The following PFDN4 variants were observed in gnomAD, a reference collection of about 807,000 sequenced individuals.
The protein encoded by PFDN4 is prefoldin subunit 4.
PFDN4 carries 6 observed loss-of-function variants against 17.6 expected under a neutral mutation model. The observed-to-expected ratio is 0.34, with a 90% CI of 0.19 to 0.67. PFDN4 has a LOEUF of 0.67. PFDN4 is among the 30% of genes least tolerant of loss of function. The pLI is 0.68. For missense variants in PFDN4, 119 were observed against 158.4 expected, an observed-to-expected ratio of 0.75 and a Z score of 1.33; for synonymous variants, 48 against 51.1, an observed-to-expected ratio of 0.94 and a Z score of 0.26.
At position 54,210,394 on chromosome 20, in the gene PFDN4, T is replaced by C. The variant is rs139820227; in HGVS notation, c.24+2270T>C. 6.0e-3 allele frequency among the ~76,000 whole-genome samples: 918 copies of C among 152,320 alleles called. 7 individuals are homozygous for C. The highest frequency in any genetic ancestry group is 9.0e-3 in the Admixed American group (137 of 15,306). ...TTTGCCCTCACTAGGAGAAAACATA[T>C]GTGTATGCCAGTGAGTGAGAGTGAA... On this transcript the variant is annotated intron_variant, in intron 1 of 3. Transcript: ENST00000371419.
intron 1 of PFDN4, among the ~76,000 whole-genome samples, chr20:54,214,129 TA>T (rs1295441848): frequency 1.5e-4 from 23 of 152,246 alleles, no homozygotes; most frequent in Non-Finnish European, 8.8e-5. Context: ...AATATGTTTA[TA>T]GCTTAGGAAT....
intron 3 of PFDN4, among the ~76,000 whole-genome samples, chr20:54,215,917 A>G (rs970196786): frequency 6.6e-6 from 1 of 152,116 alleles, no homozygotes; most frequent in Non-Finnish European, 1.5e-5. Context: ...GGTTTCATTG[A>G]ATGTTTGTTT....
chr20:54,214,803 A>G (rs1354048098), intron 2 of PFDN4, among the ~76,000 whole-genome samples: 1 of 152,160 alleles, frequency 6.6e-6, no homozygotes, highest in Non-Finnish European at 1.5e-5. Context: ...TGCCAGTGCC[A>G]CCTACCCCAG....
intron 1 of PFDN4, among the ~76,000 whole-genome samples, chr20:54,213,057 C>G (rs1264052980): frequency 1.3e-5 from 2 of 152,202 alleles, no homozygotes; most frequent in Non-Finnish European, 2.9e-5. Context: ...TATTGCTTGA[C>G]ACTGCCTTTC....
At chr20:54,213,200 T>C (rs2092758281) in intron 1 of PFDN4, among the ~76,000 whole-genome samples, 1 of 152,272 alleles carries the variant, frequency 6.6e-6, no homozygotes, top group Non-Finnish European at 1.5e-5. Flanking sequence ...CAGTATGAAC[T>C]ATTTTTATAC....
chr20:54,210,594 TGACCA>T (rs1169690384), intron 1 of PFDN4, among the ~76,000 whole-genome samples: 1 of 152,070 alleles, frequency 6.6e-6, no homozygotes, highest in Non-Finnish European at 1.5e-5. Context: ...ATCCAGTTCT[TGACCA>T]TAAGGAGATC....
chr20:54,213,550 A>T (rs1310189545), intron 1 of PFDN4, among the ~76,000 whole-genome samples: 1 of 152,178 alleles, frequency 6.6e-6, no homozygotes, highest in Non-Finnish European at 1.5e-5. Flanking sequence ...CTTTGGCCAT[A>T]TTATATAAAG....
chr20:54,213,231 C>T (rs1375844210), intron 1 of PFDN4, among the ~76,000 whole-genome samples: 1 of 152,166 alleles, frequency 6.6e-6, no homozygotes, highest in East Asian at 1.9e-4. Context: ...ATCTTTTCTT[C>T]TTTAAACTAG....
At chr20:54,208,453 C>A (rs924383759) in intron 1 of PFDN4, 7 of 331,608 alleles carry the variant, frequency 2.1e-5, no homozygotes, top group Non-Finnish European at 2.7e-5. Context: ...GTGTGGGAAG[C>A]CGAAGGTCCC....
chr20:54,214,593 C>A, intron 2 of PFDN4, 135 bp downstream of exon 2: 1 of 517,036 alleles, frequency 1.9e-6, no homozygotes, highest in Non-Finnish European at 3.5e-6. Flanking sequence ...TCTAGTTAAG[C>A]AGAAAGTCAT....
At chr20:54,214,899 A>C (rs939426522) in intron 2 of PFDN4, among the ~76,000 whole-genome samples, 1 of 152,126 alleles carries the variant, frequency 6.6e-6, no homozygotes, top group Non-Finnish European at 1.5e-5. Context: ...AGTTATTATC[A>C]CTTATGCATG....
intron 3 of PFDN4, 98 bp from the exon 4 acceptor site, chr20:54,218,921 G>T: frequency 1.3e-6 from 1 of 745,448 alleles, no homozygotes; most frequent in South Asian, 2.0e-5. Flanking sequence ...AAGTTTAGAA[G>T]GTTCTTGACC....
At chr20:54,208,187 G>A in intron 1 of PFDN4, 63 bp downstream of exon 1, 1 of 1,446,778 alleles carries the variant, frequency 6.9e-7, no homozygotes, top group Non-Finnish European at 9.2e-7. Flanking sequence ...GCTGGGGCCC[G>A]GGCGCGGGAT....
intron 1 of PFDN4, among the ~76,000 whole-genome samples, chr20:54,212,539 A>G (rs1000679950): frequency 2.6e-5 from 4 of 152,232 alleles, no homozygotes; most frequent in African/African-American, 9.6e-5. Flanking sequence ...TTTGGAAACT[A>G]TGTGTTTGAG....
At position 54,208,117 on chromosome 20, in the gene PFDN4, A is replaced by G; in HGVS notation, c.17A>G (p.Lys6Arg). MAATM[K>R]KAAAEDVNVT... Reference sequence around the variant, plus strand: ...AGTCCCAAGATGGCGGCCACCATGAAGAAGGCGGTGAGTGGGGAGCTCGGG... The same window carrying G: ...AGTCCCAAGATGGCGGCCACCATGAGGAAGGCGGTGAGTGGGGAGCTCGGG... Residue 6 changes from lysine to arginine, a missense_variant, in exon 1 of 4, where the codon AAG (lysine) becomes AGG (arginine). Coordinates refer to ENST00000371419, the MANE Select transcript of PFDN4 (RefSeq NM_002623.4). The G allele has an allele frequency of 6.4e-7, 1 of 1,557,738 alleles. No individual in the cohort carries two copies. The highest frequency in any genetic ancestry group is 1.2e-5 in the South Asian group (1 of 84,756).
intron 2 of PFDN4, 30 bp downstream of exon 2, chr20:54,214,488 A>AT (rs1454458411): frequency 2.8e-6 from 3 of 1,054,026 alleles, no homozygotes; most frequent in African/African-American, 1.6e-5. Flanking sequence ...GAAGAATAAA[A>AT]TTTTTTTATA....
At chr20:54,216,421 C>T (rs1004485745) in intron 3 of PFDN4, among the ~76,000 whole-genome samples, 3 of 152,170 alleles carry the variant, frequency 2.0e-5, no homozygotes, top group African/African-American at 4.8e-5. Flanking sequence ...AGTAAGTCTT[C>T]AGAAGAACTA....
intron 3 of PFDN4, among the ~76,000 whole-genome samples, chr20:54,217,556 A>G (rs2092764242): frequency 6.6e-6 from 1 of 152,232 alleles, no homozygotes; most frequent in African/African-American, 2.4e-5. Context: ...TATGAAAGCA[A>G]GATGAGTGAA....
At chr20:54,217,285 G>A (rs1258920367) in intron 3 of PFDN4, among the ~76,000 whole-genome samples, 3 of 151,958 alleles carry the variant, frequency 2.0e-5, no homozygotes, top group African/African-American at 7.3e-5. Context: ...GAAAGGGGCG[G>A]CGGGGGGCGG....
Sources: gnomAD v4.1 joint callset for allele counts (sites outside exome capture counted in the v4.1 genomes callset) on GRCh38, gnomAD v4.1.1 for gene constraint, MANE v1.5 for transcripts, NCBI Gene and HGNC (gene_info 2026-07-23, HGNC 2026-07-21) for gene names.